The following VEGFA variants were observed in gnomAD, a reference collection of about 807,000 sequenced individuals.
VEGFA encodes the protein vascular endothelial growth factor A, long form.
Under a neutral mutation model 49.7 loss-of-function variants are expected in VEGFA, and 20 were observed. The ratio of observed to expected loss-of-function variants is 0.40; its 90% CI spans 0.28 to 0.58. The LOEUF is 0.58. VEGFA is among the 20% of genes least tolerant of loss of function. The probability of loss-of-function intolerance (pLI) is 0.40; values close to 1 mark genes in which losing one functional copy is unlikely to be tolerated. For synonymous variants in VEGFA, 219 were observed against 223.4 expected (o/e 0.98, Z 0.18); for missense variants, 505 against 553.5 (o/e 0.91, Z 0.88).
In VEGFA at chr6:43,771,277, A is replaced by G; in HGVS notation, c.571A>G (p.Ser191Gly). The change falls in exon 1 of 8, where the codon AGC becomes GGC. Residue 191 changes from serine (S) to glycine (G), a missense_variant. Ser to Gly is a moderately conservative substitution (Grantham distance 56, BLOSUM62 0). Transcript: ENST00000672860. ...CTTTCTGCTGTCTTGGGTGCATTGG[A>G]GCCTTGCCTTGCTGCTCTACCTCCA... 1 of 1,606,836 alleles carries G rather than the reference A, an allele frequency of 6.2e-7. No individual in the cohort carries two copies. Among genetic ancestry groups the G allele is most frequent in the Non-Finnish European group, 8.5e-7 (1 of 1,177,394 alleles).
At position 43,777,831 on chromosome 6, in the gene VEGFA, C is replaced by T. The variant is rs1355510396; in HGVS notation, c.855+166C>T. On this transcript the variant is annotated intron_variant, in intron 3 of 7. Transcript: ENST00000672860. This position sits in a 1 kb window ranked among gnomAD's most constrained non-coding sequence, Gnocchi z 4.3. The stretch of plus-strand genomic sequence containing the variant: ...GGTCTTGCCTTCTGTGGAGAAGATG[C>T]TTCATTCCCAGCCCAGGTTCCCAGC... 2.7e-6 allele frequency: 2 copies of T among 735,778 alleles called. No individual in the cohort carries two copies. Among genetic ancestry groups the T allele is most frequent in the Non-Finnish European group, 4.4e-6 (2 of 456,208 alleles). 45.6% of individuals were successfully genotyped at this position (735,778 alleles called of 1,614,324 possible).
intron 2 of VEGFA, 137 bp downstream of exon 2, chr6:43,774,529 G>C: frequency 9.4e-7 from 1 of 1,066,678 alleles, no homozygotes; most frequent in Non-Finnish European, 1.4e-6. Context: ...AGAAAGAGCT[G>C]GGCACCACGA....
intron 5 of VEGFA, chr6:43,780,462 C>G (rs1767121957): frequency 2.0e-6 from 1 of 508,026 alleles, no homozygotes; most frequent in East Asian, 3.7e-5. Context: ...GTCTCGGCTT[C>G]CCACCAAAGC....
In VEGFA at chr6:43,772,101, G is replaced by A. The variant is rs537888574; in HGVS notation, c.606+789G>A. On this transcript the variant is annotated intron_variant, in intron 1 of 7. Transcript: ENST00000672860. The stretch of plus-strand genomic sequence containing the variant: ...CCTCCGCGGGAAGGTGACCTCTCGA[G>A]GTAGCCCCAGCCCGGGGATCCAGAG... 1.4e-5 allele frequency: 14 copies of A among 984,220 alleles called. No homozygotes were observed. In the East Asian group the frequency reaches 4.5e-4, roughly 32 times the overall value. 61.0% of individuals were successfully genotyped at this position (984,220 alleles called of 1,614,324 possible). A position where few individuals can be genotyped will look rare whatever the true frequency, so the allele number is the denominator to read the frequency against.
rs3025027 is a variant in VEGFA, at chr6:43,782,755, C to G, written c.1166+668C>G. Reference sequence around the variant, plus strand: ...GCTCCCTCAGGCCAGGGCTATGTCTCCCTCCTCAGACTGGGGCTCTGAGGG... The same window carrying G: ...GCTCCCTCAGGCCAGGGCTATGTCTGCCTCCTCAGACTGGGGCTCTGAGGG... On this transcript the variant is annotated intron_variant, in intron 7 of 7. Transcript: ENST00000672860. 5.4e-3 allele frequency: 864 copies of G among 159,436 alleles called. 7 individuals are homozygous for G. The highest frequency in any genetic ancestry group is 0.02 in the African/African-American group (816 of 41,596). 9.9% of individuals were successfully genotyped at this position (159,436 alleles called of 1,614,324 possible). A position where few individuals can be genotyped will look rare whatever the true frequency, so the allele number is the denominator to read the frequency against.
intron 5 of VEGFA, chr6:43,780,131 C>T (rs1046600121): frequency 9.4e-6 from 2 of 213,178 alleles, no homozygotes; most frequent in African/African-American, 2.3e-5. Flanking sequence ...TCGTGCTGAG[C>T]AGGCTGGTGT....
chr6:43,778,650 C>T, intron 4 of VEGFA, 114 bp downstream of exon 4: 1 of 1,206,298 alleles, frequency 8.3e-7, no homozygotes, highest in Non-Finnish European at 1.2e-6. Flanking sequence ...GCTATGTGAC[C>T]TTTGGCATTT....
intron 5 of VEGFA, 196 bp from the exon 6 acceptor site, chr6:43,780,536 G>T: frequency 1.4e-6 from 1 of 696,528 alleles, no homozygotes. Flanking sequence ...GAGCCATCGA[G>T]TGCTTGCTGC....
chr6:43,780,883 AC>A (rs1438269116), intron 6 of VEGFA, 80 bp downstream of exon 6: 1 of 1,609,538 alleles, frequency 6.2e-7, no homozygotes, highest in East Asian at 2.2e-5. Flanking sequence ...ATTCCCTGTA[AC>A]CCTGCCTCCC....
intron 2 of VEGFA, 51 bp downstream of exon 2, chr6:43,774,443 G>A: frequency 6.3e-7 from 1 of 1,597,532 alleles, no homozygotes; most frequent in African/African-American, 1.3e-5. Context: ...CAGGGGATGG[G>A]TGGATGGCCT....
chr6:43,780,222 T>G, intron 5 of VEGFA: 1 of 179,288 alleles, frequency 5.6e-6, no homozygotes. Flanking sequence ...CAGTTGCAAA[T>G]GAAGGCACAA....
chr6:43,775,130 T>G (rs1764952662), intron 2 of VEGFA: 1 of 153,100 alleles, frequency 6.5e-6, no homozygotes, highest in Non-Finnish European at 1.5e-5. Flanking sequence ...TTCCCTGACC[T>G]AAATCTGGCG....
rs749282093 is a variant in VEGFA, at chr6:43,770,806, C to T, written c.100C>T (p.Pro34Ser). 9.3e-6 allele frequency: 14 copies of T among 1,509,440 alleles called. No homozygotes were observed. The highest frequency in any genetic ancestry group is 1.2e-5 in the Non-Finnish European group (14 of 1,131,318). The allele number at this position is 1,509,440 out of a possible 1,614,324, so 93.5% of individuals were successfully genotyped here. Residue 34 changes from proline to serine, a missense_variant, in exon 1 of 8, where the codon CCG becomes TCG. By Grantham distance (74) the Pro-to-Ser change is moderately conservative. Coordinates refer to ENST00000672860, the MANE Select transcript of VEGFA (RefSeq NM_003376.6). ...CGCGGCGGCGAGCCGCGGGCAGGGG[C>T]CGGAGCCCGCGCCCGGAGGCGGGGT... is the stretch of plus-strand genomic sequence containing the variant.
In VEGFA at chr6:43,771,135, G is replaced by C; in HGVS notation, c.429G>C (p.Ser143=). ...CTCCCCAGGCCCTGGCCCGGGCCTCGGGCCGGGGAGGAAGAGTAGCTCGCC... is the reference window on the plus strand; with the variant it reads ...CTCCCCAGGCCCTGGCCCGGGCCTCCGGCCGGGGAGGAAGAGTAGCTCGCC... The change falls in exon 1 of 8, where the codon TCG becomes TCC. Residue 143 remains serine, a synonymous_variant. Transcript: ENST00000672860. 3 of 1,504,700 alleles carry C rather than the reference G, an allele frequency of 2.0e-6. No individual in the cohort carries two copies. The highest frequency in any genetic ancestry group is 2.7e-6 in the Non-Finnish European group (3 of 1,131,582). The allele number at this position is 1,504,700 out of a possible 1,614,324, so 93.2% of individuals were successfully genotyped here. A position where few individuals can be genotyped will look rare whatever the true frequency, so the allele number is the denominator to read the frequency against.
intron 6 of VEGFA, 48 bp downstream of exon 6, chr6:43,780,851 C>T (rs373819204): frequency 9.3e-6 from 15 of 1,613,630 alleles, no homozygotes; most frequent in Non-Finnish European, 1.3e-5. Context: ...CTCCCTGGCC[C>T]CCAGTACAAC....
At position 43,778,498 on chromosome 6, in the gene VEGFA, A is replaced by C. The variant is rs750527919; in HGVS notation, c.894A>C (p.Gly298=). The change falls in exon 4 of 8, where the codon GGA becomes GGC. Residue 298 remains glycine, a synonymous_variant. Transcript: ENST00000672860. ...AACCTCACCAAGGCCAGCACATAGG[A>C]GAGATGAGCTTCCTACAGCACAACA... 6.2e-7 allele frequency: 1 copy of C among 1,614,178 alleles called. No individual in the cohort carries two copies. The highest frequency in any genetic ancestry group is 8.5e-7 in the Non-Finnish European group (1 of 1,180,020).
chr6:43,780,431 G>A (rs906798608), intron 5 of VEGFA: 1 of 446,540 alleles, frequency 2.2e-6, no homozygotes, highest in Non-Finnish European at 4.1e-6. Flanking sequence ...GGAGACCTTT[G>A]GGTCCTGTGC....
In VEGFA at chr6:43,785,156, A is replaced by G. The variant is rs1437635641; in HGVS notation, c.*594A>G. On this transcript the variant is annotated 3_prime_UTR_variant, in exon 8 of 8. Coordinates refer to ENST00000672860, the MANE Select transcript of VEGFA (RefSeq NM_003376.6). Reference sequence around the variant, plus strand: ...TTTTTTTGTCCCACTTGGTGGGGCCAGGGTCCTCTCCCCTGCCCAGGAATG... The same window carrying G: ...TTTTTTTGTCCCACTTGGTGGGGCCGGGGTCCTCTCCCCTGCCCAGGAATG... 3 of 188,734 alleles carry G rather than the reference A, an allele frequency of 1.6e-5. No homozygotes were observed. Among genetic ancestry groups the G allele is most frequent in the Admixed American group, 6.2e-5 (1 of 16,156 alleles). 11.7% of individuals were successfully genotyped at this position (188,734 alleles called of 1,614,324 possible).
intron 2 of VEGFA, chr6:43,775,610 G>C (rs1394233548): frequency 6.6e-6 from 1 of 152,200 alleles, no homozygotes; most frequent in Admixed American, 6.5e-5. Flanking sequence ...TCCCCTCCTG[G>C]GCCACAAGCC....
Sources: gnomAD v4.1 joint callset for allele counts on GRCh38, gnomAD v4.1.1 for gene constraint, Gnocchi (gnomAD v3.1) non-coding constraint, MANE v1.5 for transcripts, NCBI Gene and HGNC (gene_info 2026-07-23, HGNC 2026-07-21) for gene names.